STEAP2: variants seen among roughly 807,000 people sequenced by gnomAD.
STEAP2 encodes the protein metalloreductase STEAP2.
STEAP2 carries 30 observed loss-of-function variants against 46.4 expected under a neutral mutation model. The observed-to-expected ratio is 0.65, with a 90% CI of 0.48 to 0.88. STEAP2 has a LOEUF of 0.88. Among genes scored for constraint, STEAP2 ranks in the 40% least tolerant of loss-of-function variants. STEAP2 has a pLI of 0.00. For missense variants in STEAP2, 513 were observed against 579.3 expected (o/e 0.89, Z 1.18); for synonymous variants, 180 against 200.5 (o/e 0.90, Z 0.86).
Position 90,233,587 on chromosome 7 carries a change from C to A in STEAP2, c.*963C>A. ...TTCTAAGTACTTTACTTGTATTATC[C>A]CATTTAATACTTAGAACAACCCCGT... is the stretch of plus-strand genomic sequence containing the variant. On this transcript the variant is annotated 3_prime_UTR_variant, in exon 6 of 6. Coordinates refer to ENST00000394621, the MANE Select transcript of STEAP2 (RefSeq NM_001244944.2). The A allele has an allele frequency of 1.1e-6, 1 of 925,548 alleles. No homozygotes were observed. The highest frequency in any genetic ancestry group is 1.3e-6 in the Non-Finnish European group (1 of 775,548). The allele number at this position is 925,548 out of a possible 1,614,324, so 57.3% of individuals were successfully genotyped here.
chr7:90,217,064 GT>G (rs1461845782), intron 2 of STEAP2, among the ~76,000 whole-genome samples: 5 of 152,192 alleles, frequency 3.3e-5, no homozygotes, highest in Non-Finnish European at 7.3e-5. Flanking sequence ...TCACTGGCCA[GT>G]TTTCAGAACA....
downstream of STEAP2, chr7:90,237,971 G>T: frequency 1.5e-6 from 1 of 675,790 alleles, no homozygotes. Context: ...ATCTATGATG[G>T]ATACTAAAGA....
intron 2 of STEAP2, among the ~76,000 whole-genome samples, chr7:90,222,445 C>A (rs1449696079): frequency 6.6e-6 from 1 of 152,044 alleles, no homozygotes; most frequent in East Asian, 1.9e-4. Flanking sequence ...TACTTATAAC[C>A]CCCCAAAAAC....
In STEAP2 at chr7:90,237,002, A is replaced by G; in HGVS notation, c.*4378A>G. 1 of 1,597,862 alleles carries G rather than the reference A, an allele frequency of 6.3e-7. No homozygotes were observed. Reference sequence around the variant, plus strand: ...CATTACATTCCTCAGCTGTCCTTGCAGTTAGGTGTACATGTGACTGAGTGT... The same window carrying G: ...CATTACATTCCTCAGCTGTCCTTGCGGTTAGGTGTACATGTGACTGAGTGT... On this transcript the variant is annotated 3_prime_UTR_variant, in exon 6 of 6. Transcript: ENST00000394621.
In STEAP2 at chr7:90,220,358, G is replaced by T. The variant is rs537551044; in HGVS notation, c.-34+3755G>T. ...TCCATTTCTTCCCATTTCAATCTTGGTAGCTTGTATATGTGTAGCAGTTTA... is the reference window on the plus strand; with the variant it reads ...TCCATTTCTTCCCATTTCAATCTTGTTAGCTTGTATATGTGTAGCAGTTTA... On this transcript the variant is annotated intron_variant, in intron 2 of 5. Transcript: ENST00000394621. Among the ~76,000 whole-genome samples the T allele has an allele frequency of 3.3e-5, 5 of 152,148 alleles. No individual in the cohort carries two copies. In the East Asian group the frequency reaches 9.7e-4, roughly 29 times the overall value.
chr7:90,233,773 C>A lies in STEAP2; in HGVS notation c.*1149C>A, dbSNP rs529624723. On this transcript the variant is annotated 3_prime_UTR_variant, in exon 6 of 6. Coordinates refer to ENST00000394621, the MANE Select transcript of STEAP2 (RefSeq NM_001244944.2). Reference sequence around the variant, plus strand: ...TTTAACCACTAGGCTCTAGAGCTCCCGCCGCGCCCCTATGCATTATGTTCA... The same window carrying A: ...TTTAACCACTAGGCTCTAGAGCTCCAGCCGCGCCCCTATGCATTATGTTCA... The A allele has an allele frequency of 8.1e-6, 8 of 985,342 alleles. No homozygotes were observed. The South Asian group carries it at 3.3e-4, about 41-fold the overall frequency. 61.0% of individuals were successfully genotyped at this position (985,342 alleles called of 1,614,324 possible). A position where few individuals can be genotyped will look rare whatever the true frequency, so the allele number is the denominator to read the frequency against.
chr7:90,219,294 C>T (rs1117986), intron 2 of STEAP2, among the ~76,000 whole-genome samples: 4,246 of 152,136 alleles, frequency 0.028, 62 homozygotes, highest in Middle Eastern at 0.048. Flanking sequence ...TTCCTGGTTG[C>T]TCTGGCTAGG....
chr7:90,233,319 T>C lies in STEAP2; in HGVS notation c.*695T>C. Reference sequence around the variant, plus strand: ...TTCTTTATTGTGTTACAGAGCAGTTTCATTTTCATATTAATATACTGATCA... The same window carrying C: ...TTCTTTATTGTGTTACAGAGCAGTTCCATTTTCATATTAATATACTGATCA... On this transcript the variant is annotated 3_prime_UTR_variant, in exon 6 of 6. Transcript: ENST00000394621. The C allele has an allele frequency of 1.0e-6, 1 of 982,456 alleles. No individual in the cohort carries two copies. Among genetic ancestry groups the C allele is most frequent in the South Asian group, 4.7e-5 (1 of 21,214 alleles). The allele number at this position is 982,456 out of a possible 1,614,324, so 60.9% of individuals were successfully genotyped here.
chr7:90,239,637 A>G (rs1288055890), downstream of STEAP2, among the ~76,000 whole-genome samples: 1 of 152,026 alleles, frequency 6.6e-6, no homozygotes, highest in African/African-American at 2.4e-5. Context: ...TTTTTTTTTC[A>G]TATAATTATT....
intron 4 of STEAP2, among the ~76,000 whole-genome samples, chr7:90,228,684 A>T (rs911966950): frequency 2.0e-5 from 3 of 152,204 alleles, no homozygotes; most frequent in Admixed American, 2.0e-4. Context: ...AACAGAAAGT[A>T]AGTTCATGAG....
At chr7:90,218,786 A>G (rs546646013) in intron 2 of STEAP2, among the ~76,000 whole-genome samples, 12 of 152,112 alleles carry the variant, frequency 7.9e-5, no homozygotes, top group African/African-American at 2.6e-4. Flanking sequence ...GAATTTTAGG[A>G]TTGTCTTTTC....
chr7:90,229,376 C>T (rs1795639485), intron 4 of STEAP2, among the ~76,000 whole-genome samples: 1 of 152,060 alleles, frequency 6.6e-6, no homozygotes, highest in South Asian at 2.1e-4. Flanking sequence ...AAAGATAAAA[C>T]AGAGATATAT....
At chr7:90,227,591 GA>G in intron 4 of STEAP2, 93 bp downstream of exon 4, 1 of 1,259,948 alleles carries the variant, frequency 7.9e-7, no homozygotes, top group Non-Finnish European at 1.0e-6. Flanking sequence ...CCCTGTAATG[GA>G]AATTTGATTT....
intron 2 of STEAP2, among the ~76,000 whole-genome samples, chr7:90,224,744 A>G (rs966339494): frequency 3.3e-5 from 5 of 152,218 alleles, no homozygotes; most frequent in African/African-American, 1.2e-4. Context: ...CTCAATCAGA[A>G]TCTACATTTT....
chr7:90,215,093 G>C (rs1220533037), intron 1 of STEAP2, among the ~76,000 whole-genome samples: 7 of 152,172 alleles, frequency 4.6e-5, no homozygotes, highest in Non-Finnish European at 8.8e-5. Context: ...GTATGGTGAA[G>C]TACCATGAGC....
chr7:90,236,998 T>C lies in STEAP2; in HGVS notation c.*4374T>C, dbSNP rs1330618782. The C allele has an allele frequency of 1.2e-6, 2 of 1,603,874 alleles. No homozygotes were observed. The highest frequency in any genetic ancestry group is 1.7e-6 in the Non-Finnish European group (2 of 1,171,382). ...TGCCCATTACATTCCTCAGCTGTCC[T>C]TGCAGTTAGGTGTACATGTGACTGA... is the stretch of plus-strand genomic sequence containing the variant. On this transcript the variant is annotated 3_prime_UTR_variant, in exon 6 of 6. Transcript: ENST00000394621.
Position 90,235,526 on chromosome 7 carries a change from A to G in STEAP2, c.*2902A>G. 1.0e-6 allele frequency: 1 copy of G among 985,266 alleles called. No homozygotes were observed. 61.0% of individuals were successfully genotyped at this position (985,266 alleles called of 1,614,324 possible). The stretch of plus-strand genomic sequence containing the variant: ...AAAGTGGTGGTGAGAACCTTAGAGC[A>G]GTGGAGATTTGCTACCTGGTCTGTG... On this transcript the variant is annotated 3_prime_UTR_variant, in exon 6 of 6. Coordinates refer to ENST00000394621, the MANE Select transcript of STEAP2 (RefSeq NM_001244944.2).
intron 5 of STEAP2, among the ~76,000 whole-genome samples, chr7:90,231,341 A>G (rs1027902044): frequency 3.3e-5 from 5 of 151,678 alleles, no homozygotes; most frequent in African/African-American, 1.2e-4. Flanking sequence ...ATTTAATTTT[A>G]ATTTAATTTA....
chr7:90,242,534 T>C (rs894846975), downstream of STEAP2, among the ~76,000 whole-genome samples: 1 of 152,212 alleles, frequency 6.6e-6, no homozygotes, highest in Admixed American at 6.5e-5. Context: ...ACAAAGGATA[T>C]GCAAATAATC....
Sources: gnomAD v4.1 joint callset for allele counts (sites outside exome capture counted in the v4.1 genomes callset) on GRCh38, gnomAD v4.1.1 for gene constraint, MANE v1.5 for transcripts, NCBI Gene and HGNC (gene_info 2026-07-23, HGNC 2026-07-21) for gene names.